RNPEPL1: variants seen among roughly 807,000 people sequenced by gnomAD.
The protein encoded by RNPEPL1 is arginyl aminopeptidase like 1.
A neutral mutation model predicts 69.0 loss-of-function variants in RNPEPL1; 46 were observed. The ratio of observed to expected loss-of-function variants is 0.67; its 90% CI spans 0.53 to 0.85. The LOEUF is 0.85. Among genes scored for constraint, RNPEPL1 ranks in the 40% least tolerant of loss-of-function variants. The probability of loss-of-function intolerance (pLI) is 0.00; values close to 1 mark genes in which losing one functional copy is unlikely to be tolerated. For synonymous variants in RNPEPL1, 525 were observed against 454.1 expected (o/e 1.16, Z -1.98); for missense variants, 869 against 992.5 (o/e 0.88, Z 1.67).
chr2:240,578,205 G>A lies in RNPEPL1; in HGVS notation c.*313G>A, dbSNP rs949341020. On this transcript the variant is annotated 3_prime_UTR_variant, in exon 11 of 11. Transcript: ENST00000270357. ...CGGATGCCAGCACCTGCCAGGTGCC[G>A]CCCCGGGGCAAGGGCCCCAGCAGCC... is the stretch of plus-strand genomic sequence containing the variant. The A allele has an allele frequency of 4.7e-5, 13 of 276,920 alleles. No individual in the cohort carries two copies. The highest frequency in any genetic ancestry group is 1.0e-3 in the Middle Eastern group (1 of 998). The allele number at this position is 276,920 out of a possible 1,614,324, so 17.2% of individuals were successfully genotyped here. A position where few individuals can be genotyped will look rare whatever the true frequency, so the allele number is the denominator to read the frequency against.
At position 240,576,754 on chromosome 2, in the gene RNPEPL1, C is replaced by T. The variant is rs745836984; in HGVS notation, c.1730C>T (p.Pro577Leu). ...CTGGACCGGCTCCTGGATGGGTCCCCGCTGCCGCAGGGTGAGTCCCTGCAG... is the reference window on the plus strand; with the variant it reads ...CTGGACCGGCTCCTGGATGGGTCCCTGCTGCCGCAGGGTGAGTCCCTGCAG... ...LFLDRLLDGS[P>L]LPQEVVMSLS... The change falls in exon 9 of 11, where the codon CCG (proline) becomes CTG (leucine). Residue 577 changes from proline (P) to leucine (L), a missense_variant. This residue lies in a region of RNPEPL1 where 610 missense variants were observed against 790.9 expected (regional missense o/e 0.77). Coordinates refer to ENST00000270357, the MANE Select transcript of RNPEPL1 (RefSeq NM_018226.6). 12 of 1,612,832 alleles carry T rather than the reference C, an allele frequency of 7.4e-6. No individual in the cohort carries two copies. The highest frequency in any genetic ancestry group is 1.7e-5 in the Admixed American group (1 of 60,026).
At chr2:240,575,968 T>C in intron 8 of RNPEPL1, 1 of 321,782 alleles carries the variant, frequency 3.1e-6, no homozygotes, top group Admixed American at 4.1e-5. Flanking sequence ...CTTGTAAAGG[T>C]GTCCCTGAGG....
chr2:240,572,231 T>A (rs1553610446), intron 1 of RNPEPL1, among the ~76,000 whole-genome samples, 192 bp from the exon 2 acceptor site: 2 of 152,220 alleles, frequency 1.3e-5, no homozygotes, highest in Non-Finnish European at 2.9e-5. Flanking sequence ...CTGGGTCACC[T>A]GCCCTGGATG....
intron 6 of RNPEPL1, 72 bp from the exon 7 acceptor site, chr2:240,574,958 C>A: frequency 8.6e-7 from 1 of 1,168,370 alleles, no homozygotes; most frequent in Non-Finnish European, 1.3e-6. Context: ...CGGAGCCTGA[C>A]CACTGCCCCT....
In RNPEPL1 at chr2:240,568,493, T is replaced by G; in HGVS notation, c.-94T>G. Reference sequence around the variant, plus strand: ...GGGCGGCTCCCGGCGCGACTTCCTGTTGTGCCCGCGCCCCGCCGCCGCCGC... The same window carrying G: ...GGGCGGCTCCCGGCGCGACTTCCTGGTGTGCCCGCGCCCCGCCGCCGCCGC... On this transcript the variant is annotated 5_prime_UTR_variant, in exon 1 of 11. Coordinates refer to ENST00000270357, the MANE Select transcript of RNPEPL1 (RefSeq NM_018226.6). The surrounding 1 kb of genome is among the most constrained non-coding windows in gnomAD (Gnocchi z 6.2). The G allele has an allele frequency of 5.5e-6, 3 of 541,852 alleles. No homozygotes were observed. The highest frequency in any genetic ancestry group is 7.0e-6 in the Non-Finnish European group (3 of 428,914). The allele number at this position is 541,852 out of a possible 1,614,324, so 33.6% of individuals were successfully genotyped here.
In RNPEPL1 at chr2:240,569,119, G is replaced by T. The variant is rs1471151877; in HGVS notation, c.528+5G>T. On this transcript the variant is annotated splice_donor_5th_base_variant and intron_variant, in intron 1 of 10. Coordinates refer to ENST00000270357, the MANE Select transcript of RNPEPL1 (RefSeq NM_018226.6). The stretch of plus-strand genomic sequence containing the variant: ...ACCTCGACCGACGCCCCCGCCGTGA[G>T]TCCGGGGCGGGCGCCGGGGCTGCGG... 6.8e-7 allele frequency: 1 copy of T among 1,478,520 alleles called. No individual in the cohort carries two copies. Among genetic ancestry groups the T allele is most frequent in the East Asian group, 2.9e-5 (1 of 35,020 alleles). 91.6% of individuals were successfully genotyped at this position (1,478,520 alleles called of 1,614,324 possible).
At position 240,572,404 on chromosome 2, in the gene RNPEPL1, TG is replaced by T. The variant is rs2093024295; in HGVS notation, c.529-16del. 1 of 1,535,526 alleles carries T rather than the reference TG, an allele frequency of 6.5e-7. No homozygotes were observed. Among genetic ancestry groups the T allele is most frequent in the African/African-American group, 1.4e-5 (1 of 73,050 alleles). On this transcript the variant is annotated intron_variant, in intron 1 of 10. Transcript: ENST00000270357. ...CCCTAGCTGGGTGGCCGTCTGCTGATGGGCCATCCTGCCCACAGATCTGGTG... is the reference window on the plus strand; with the variant it reads ...CCCTAGCTGGGTGGCCGTCTGCTGATGGCCATCCTGCCCACAGATCTGGTG...
chr2:240,570,832 T>A (rs2093019176), intron 1 of RNPEPL1, among the ~76,000 whole-genome samples: 1 of 152,150 alleles, frequency 6.6e-6, no homozygotes. Flanking sequence ...CTGTCCTGTC[T>A]GGGGGTCTGC....
In RNPEPL1 at chr2:240,577,719, A is replaced by G; in HGVS notation, c.2005A>G (p.Ile669Val). 1.9e-6 allele frequency: 3 copies of G among 1,612,640 alleles called. No homozygotes were observed. The highest frequency in any genetic ancestry group is 1.7e-6 in the Non-Finnish European group (2 of 1,179,732). ...GCTGCACCCCAACCTGCGCAGAGCC[A>G]TCCAGCAGATCCTGTCCCAGGGCCT... ...GRLHPNLRRA[I>V]QQILSQGLGS... Residue 669 changes from isoleucine (I) to valine (V), a missense_variant, in exon 11 of 11, where the codon ATC becomes GTC. Transcript: ENST00000270357.
At chr2:240,570,986 G>A (rs546141184) in intron 1 of RNPEPL1, among the ~76,000 whole-genome samples, 3 of 152,190 alleles carry the variant, frequency 2.0e-5, no homozygotes, top group Non-Finnish European at 2.9e-5. Flanking sequence ...GCCTCAGGAG[G>A]GTGAGGCAAG....
In RNPEPL1 at chr2:240,574,556, G is replaced by A. The variant is rs780132544; in HGVS notation, c.1216G>A (p.Ala406Thr). ...TCLETAFRLD[A>T]LHRQMKLLGE... ...CCTGGAGACTGCCTTCCGCCTGGACGCCCTGCACCGGCAGATGAAGCTTCT... is the reference window on the plus strand; with the variant it reads ...CCTGGAGACTGCCTTCCGCCTGGACACCCTGCACCGGCAGATGAAGCTTCT... Residue 406 changes from alanine to threonine, a missense_variant, in exon 6 of 11, where the codon GCC (alanine) becomes ACC (threonine). By Grantham distance (58) the Ala-to-Thr change is moderately conservative. Coordinates refer to ENST00000270357, the MANE Select transcript of RNPEPL1 (RefSeq NM_018226.6). 1.1e-5 allele frequency: 18 copies of A among 1,612,728 alleles called. No individual in the cohort carries two copies. Among genetic ancestry groups the A allele is most frequent in the East Asian group, 4.5e-5 (2 of 44,878 alleles).
chr2:240,574,478 C>T (rs745934986), intron 5 of RNPEPL1, 37 bp from the exon 6 acceptor site: 83 of 1,579,052 alleles, frequency 5.3e-5, no homozygotes, highest in Non-Finnish European at 7.1e-5. Flanking sequence ...GACCCCTACA[C>T]CCCCTCACCT....
intron 1 of RNPEPL1, among the ~76,000 whole-genome samples, chr2:240,570,584 A>G (rs1049959678): frequency 1.1e-4 from 16 of 152,192 alleles, no homozygotes; most frequent in Admixed American, 9.2e-4. Flanking sequence ...GCCAGGGAGG[A>G]TGCAGCGGAA....
In RNPEPL1 at chr2:240,575,073, G is replaced by C; in HGVS notation, c.1332G>C (p.Lys444Asn). The change falls in exon 7 of 11, where the codon AAG becomes AAC. Residue 444 changes from lysine to asparagine, a missense_variant. By Grantham distance (94) the Lys-to-Asn change is moderately conservative (BLOSUM62 0). Transcript: ENST00000270357. ...SHLMNLFTYEKGYCFVYYLSQ... is the reference protein window; with the variant it reads ...SHLMNLFTYENGYCFVYYLSQ... ...TGATGAACCTGTTCACCTACGAGAA[G>C]GGCTACTGCTTCGTGTACTACCTGT... 1.2e-6 allele frequency: 2 copies of C among 1,613,866 alleles called. No individual in the cohort carries two copies. Among genetic ancestry groups the C allele is most frequent in the East Asian group, 4.5e-5 (2 of 44,886 alleles).
chr2:240,572,950 G>A (rs922065985), intron 2 of RNPEPL1, among the ~76,000 whole-genome samples, 160 bp from the exon 3 acceptor site: 1 of 152,230 alleles, frequency 6.6e-6, no homozygotes, highest in Non-Finnish European at 1.5e-5. Flanking sequence ...CCGAATGGAG[G>A]GTGGCAGTTC....
rs1363617471 is a variant in RNPEPL1 at position 240,580,935 on chromosome 2, T to C, written c.*3043T>C. 6.6e-6 allele frequency: 1 copy of C among 152,208 alleles called. No homozygotes were observed. The highest frequency in any genetic ancestry group is 1.5e-5 in the Non-Finnish European group (1 of 68,038). 9.4% of individuals were successfully genotyped at this position (152,208 alleles called of 1,614,324 possible). On this transcript the variant is annotated 3_prime_UTR_variant, in exon 11 of 11. Coordinates refer to ENST00000270357, the MANE Select transcript of RNPEPL1 (RefSeq NM_018226.6). ...TAGGCCCTGGAGGTCCAAATAAGGT[T>C]TTCTAAGTCCCTCAGGCCATGACAG...
intron 2 of RNPEPL1, among the ~76,000 whole-genome samples, chr2:240,572,844 G>T (rs1052036362): frequency 6.6e-6 from 1 of 152,258 alleles, no homozygotes; most frequent in Non-Finnish European, 1.5e-5. Flanking sequence ...TCCCGACAGA[G>T]CTGCTGATCC....
Position 240,576,907 on chromosome 2 carries a change from A to G in RNPEPL1, c.1801A>G (p.Ile601Val). 6.2e-7 allele frequency: 1 copy of G among 1,613,396 alleles called. No individual in the cohort carries two copies. The highest frequency in any genetic ancestry group is 8.5e-7 in the Non-Finnish European group (1 of 1,179,970). ...SSLLDSMNAE[I>V]RIRWLQIVVR... ...CCTGCTGGACTCGATGAACGCTGAGATCCGCATCCGCTGGCTGCAGATTGT... is the reference window on the plus strand; with the variant it reads ...CCTGCTGGACTCGATGAACGCTGAGGTCCGCATCCGCTGGCTGCAGATTGT... Residue 601 changes from isoleucine (I) to valine (V), a missense_variant, in exon 10 of 11, where the codon ATC (isoleucine) becomes GTC (valine). By Grantham distance (29) the Ile-to-Val change is conservative. Coordinates refer to ENST00000270357, the MANE Select transcript of RNPEPL1 (RefSeq NM_018226.6).
intron 8 of RNPEPL1, 66 bp downstream of exon 8, chr2:240,575,676 G>A: frequency 1.6e-6 from 2 of 1,226,050 alleles, no homozygotes; most frequent in Non-Finnish European, 1.2e-6. Flanking sequence ...GGCCTCTGCT[G>A]CCTGAGGGGC....
Sources: allele counts gnomAD v4.1 joint callset (sites outside exome capture counted in the v4.1 genomes callset), GRCh38; gene constraint gnomAD v4.1.1; regional missense constraint gnomAD v4.1.1; non-coding constraint Gnocchi (gnomAD v3.1); transcripts MANE v1.5; gene names NCBI Gene and HGNC (gene_info 2026-07-23, HGNC 2026-07-21).